PPP2R2C: variants seen among roughly 807,000 people sequenced by gnomAD.
PPP2R2C encodes the protein protein phosphatase 2, regulatory subunit B, gamma.
PPP2R2C carries 10 observed loss-of-function variants against 45.3 expected under a neutral mutation model. The observed-to-expected ratio is 0.22, with a 90% CI of 0.14 to 0.37. The LOEUF is 0.37. Among genes scored for constraint, PPP2R2C ranks in the 10% least tolerant of loss-of-function variants. The pLI, the probability that PPP2R2C is intolerant of heterozygous loss-of-function variation, is 1.00. For synonymous variants in PPP2R2C, 257 were observed against 245.4 expected, an observed-to-expected ratio of 1.05 and a Z score of -0.44; for missense variants, 308 against 619.7, an observed-to-expected ratio of 0.50 and a Z score of 5.34.
chr4:6,428,975 CT>C, intron 1 of PPP2R2C, among the ~76,000 whole-genome samples: 1 of 152,350 alleles, frequency 6.6e-6, no homozygotes, highest in Admixed American at 6.5e-5. Flanking sequence ...TCAGCAAATT[CT>C]TTCTGCAAAG....
chr4:6,355,073 A>G (rs10006805), intron 5 of PPP2R2C, among the ~76,000 whole-genome samples: 43,832 of 152,156 alleles, frequency 0.29, 6,358 homozygotes, highest in Middle Eastern at 0.31. Flanking sequence ...TGCAAGCATT[A>G]ATCACTGCTT....
chr4:6,354,771 C>T (rs192455893), intron 5 of PPP2R2C, among the ~76,000 whole-genome samples: 2 of 150,624 alleles, frequency 1.3e-5, no homozygotes, highest in African/African-American at 4.9e-5. Flanking sequence ...AGAGCTGATA[C>T]CTGAGCCCGG....
chr4:6,348,860 G>C lies in PPP2R2C; in HGVS notation c.626-850C>G, dbSNP rs1712259575. The C allele has an allele frequency of 7.7e-6, 5 of 647,560 alleles. No individual in the cohort carries two copies. The South Asian group carries it at 2.7e-4, about 35-fold the overall frequency. 40.1% of individuals were successfully genotyped at this position (647,560 alleles called of 1,614,324 possible). ...TCCCCCCAGACTGCTAAATGTGGGA[G>C]CCAATAAATGTCCATTTTTTGTTTA... On this transcript the variant is annotated intron_variant, in intron 5 of 8. Transcript: ENST00000382599.
chr4:6,556,388 A>G (rs796138401), intron 1 of PPP2R2C, among the ~76,000 whole-genome samples: 17 of 152,284 alleles, frequency 1.1e-4, no homozygotes, highest in African/African-American at 4.1e-4. Flanking sequence ...CACTCACACC[A>G]TCGCAACATC....
chr4:6,539,412 C>T (rs960431365), intron 1 of PPP2R2C, among the ~76,000 whole-genome samples: 1 of 152,214 alleles, frequency 6.6e-6, no homozygotes, highest in Non-Finnish European at 1.5e-5. Context: ...TTAAACCAGC[C>T]AGTCTGTGGA....
chr4:6,415,387 A>G (rs1718508025), intron 1 of PPP2R2C, among the ~76,000 whole-genome samples: 1 of 152,238 alleles, frequency 6.6e-6, no homozygotes, highest in Non-Finnish European at 1.5e-5. Flanking sequence ...GCTTTTTTAA[A>G]GCAAAGAAAA....
chr4:6,491,169 A>C (rs1722688977), intron 2 of PPP2R2C, among the ~76,000 whole-genome samples: 1 of 152,124 alleles, frequency 6.6e-6, no homozygotes, highest in African/African-American at 2.4e-5. Context: ...TGTGTACCCT[A>C]GTGCCTGGTG....
intron 1 of PPP2R2C, among the ~76,000 whole-genome samples, chr4:6,445,079 C>T (rs2108738695): frequency 6.6e-6 from 1 of 152,210 alleles, no homozygotes; most frequent in Admixed American, 6.5e-5. Flanking sequence ...GTCCCAGCTA[C>T]TCGGGAGGCT....
intron 2 of PPP2R2C, among the ~76,000 whole-genome samples, chr4:6,510,312 G>C (rs111874957): frequency 3.2e-4 from 49 of 151,898 alleles, no homozygotes; most frequent in Non-Finnish European, 6.8e-4. Context: ...TGACCAGCTG[G>C]GCACTTACCA....
intron 2 of PPP2R2C, among the ~76,000 whole-genome samples, chr4:6,521,891 C>G (rs1408139200): frequency 6.6e-6 from 1 of 152,216 alleles, no homozygotes; most frequent in Non-Finnish European, 1.5e-5. Context: ...ACCAGGCCAT[C>G]TGCCTCCAGA....
intron 1 of PPP2R2C, among the ~76,000 whole-genome samples, chr4:6,562,867 C>T (rs1207357805): frequency 6.6e-6 from 1 of 151,910 alleles, no homozygotes; most frequent in Non-Finnish European, 1.5e-5. Flanking sequence ...TAAAAGCCAA[C>T]CCGGGTCACT....
chr4:6,409,969 T>G lies in PPP2R2C; in HGVS notation c.71-28875A>C, dbSNP rs144005896. ...TTCCCTGCCTTCTGCTCTCAGGAAG[T>G]AGAGTTTAAAGTGAGGAGCCAGTCT... On this transcript the variant is annotated intron_variant, in intron 1 of 8. Coordinates refer to ENST00000382599, the MANE Select transcript of PPP2R2C (RefSeq NM_020416.4). 1.7e-3 allele frequency among the ~76,000 whole-genome samples: 264 copies of G among 152,224 alleles called. 1 individual carries two copies. Among genetic ancestry groups the G allele is most frequent in the African/African-American group, 6.0e-3 (248 of 41,538 alleles).
intron 1 of PPP2R2C, among the ~76,000 whole-genome samples, chr4:6,433,986 T>C (rs1050952588): frequency 4.6e-5 from 7 of 152,148 alleles, no homozygotes; most frequent in African/African-American, 1.7e-4. Flanking sequence ...CTTAGGCCCT[T>C]CTCCCACTCA....
In PPP2R2C at chr4:6,329,789, C is replaced by A. The variant is rs115699500; in HGVS notation, c.961-436G>T. The stretch of plus-strand genomic sequence containing the variant: ...AAACAGAACGCTCACAGCACAGGGG[C>A]CAGGACCACCTGGGGTCCAGATCCT... On this transcript the variant is annotated intron_variant, in intron 7 of 8. Coordinates refer to ENST00000382599, the MANE Select transcript of PPP2R2C (RefSeq NM_020416.4). This position sits in a 1 kb window ranked among gnomAD's most constrained non-coding sequence, Gnocchi z 5.8. Among the ~76,000 whole-genome samples the A allele has an allele frequency of 3.3e-3, 503 of 152,310 alleles. No homozygotes were observed. Among genetic ancestry groups the A allele is most frequent in the African/African-American group, 0.012 (479 of 41,566 alleles).
chr4:6,556,806 C>T (rs1050719997), intron 1 of PPP2R2C, among the ~76,000 whole-genome samples: 1 of 152,128 alleles, frequency 6.6e-6, no homozygotes, highest in African/African-American at 2.4e-5. Context: ...AAGCATCTCT[C>T]GGGGTGCCCC....
At chr4:6,383,653 C>A (rs1461923495) in intron 1 of PPP2R2C, 4 of 515,336 alleles carry the variant, frequency 7.8e-6, no homozygotes, top group Non-Finnish European at 1.2e-5. Flanking sequence ...CACCCTCATA[C>A]AGGACACCCT....
intron 5 of PPP2R2C, among the ~76,000 whole-genome samples, chr4:6,365,693 G>C (rs1714239495): frequency 6.6e-6 from 1 of 152,154 alleles, no homozygotes; most frequent in African/African-American, 2.4e-5. Flanking sequence ...GCTGATGAAG[G>C]TTCTGAGCCT....
chr4:6,517,888 G>T (rs1560598479), intron 2 of PPP2R2C, among the ~76,000 whole-genome samples: 4 of 152,186 alleles, frequency 2.6e-5, no homozygotes, highest in Non-Finnish European at 4.4e-5. Flanking sequence ...CTGCTCTACA[G>T]ATGATAAAAC....
At position 6,333,568 on chromosome 4, in the gene PPP2R2C, G is replaced by A. The variant is rs370744573; in HGVS notation, c.954C>T (p.Thr318=). 1 of 1,613,434 alleles carries A rather than the reference G, an allele frequency of 6.2e-7. No individual in the cohort carries two copies. The highest frequency in any genetic ancestry group is 8.5e-7 in the Non-Finnish European group (1 of 1,179,464). Residue 318 remains threonine, a synonymous_variant, in exon 7 of 9, where the codon ACC becomes ACT. Transcript: ENST00000382599. Reference sequence around the variant, plus strand: ...CTCCTGCTGTGGTGCCCACCTGGTAGGTCTCTATGGGTCTTGCCTCCATGT... The same window carrying A: ...CTCCTGCTGTGGTGCCCACCTGGTAAGTCTCTATGGGTCTTGCCTCCATGT... ...DLNMEARPIE[T]YQVHDYLRSK...
Sources: allele counts gnomAD v4.1 joint callset (sites outside exome capture counted in the v4.1 genomes callset), GRCh38; gene constraint gnomAD v4.1.1; non-coding constraint Gnocchi (gnomAD v3.1); transcripts MANE v1.5; gene names NCBI Gene and HGNC (gene_info 2026-07-23, HGNC 2026-07-21).